NCAM1: variants seen among roughly 807,000 people sequenced by gnomAD.
NCAM1 encodes the protein antigen recognized by monoclonal antibody 5.1H11.
In NCAM1, 14 loss-of-function variants were observed where a neutral mutation model predicts 109.8. The ratio of observed to expected loss-of-function variants is 0.13; its 90% CI spans 0.08 to 0.20. NCAM1 has a LOEUF of 0.20. Ranked by LOEUF, NCAM1 falls within the 10% of genes least tolerant of loss-of-function variation. The pLI is 1.00. For missense variants in NCAM1, 774 were observed against 1,109.9 expected (o/e 0.70, Z 4.30); for synonymous variants, 418 against 442.9 (o/e 0.94, Z 0.70).
At chr11:113,067,494 T>C (rs1938023540) in intron 1 of NCAM1, among the ~76,000 whole-genome samples, 1 of 152,244 alleles carries the variant, frequency 6.6e-6, no homozygotes. Context: ...GCTTTGTGAT[T>C]CATGGGCTCA....
intron 1 of NCAM1, among the ~76,000 whole-genome samples, chr11:113,156,771 A>G (rs574336687): frequency 6.6e-6 from 1 of 152,272 alleles, no homozygotes; most frequent in African/African-American, 2.4e-5. Flanking sequence ...TGTGTACCCT[A>G]TTCCTCTGAG....
chr11:113,245,515 A>G (rs1945474740), intron 14 of NCAM1, among the ~76,000 whole-genome samples: 1 of 152,202 alleles, frequency 6.6e-6, no homozygotes, highest in Admixed American at 6.5e-5. Context: ...GGCCAAAGGT[A>G]CAGTTTCTGC....
chr11:113,165,120 G>A (rs1942744691), intron 1 of NCAM1, among the ~76,000 whole-genome samples: 1 of 152,182 alleles, frequency 6.6e-6, no homozygotes, highest in Admixed American at 6.5e-5. Context: ...AAACGTGTCT[G>A]TGGGGAGAAC....
At chr11:113,143,143 G>T (rs1275905406) in intron 1 of NCAM1, among the ~76,000 whole-genome samples, 2 of 152,074 alleles carry the variant, frequency 1.3e-5, no homozygotes, top group African/African-American at 4.8e-5. Flanking sequence ...CTAGTATCGT[G>T]TAATACCCAG....
At chr11:113,161,289 C>G (rs1555104348) in intron 1 of NCAM1, among the ~76,000 whole-genome samples, 14 of 152,112 alleles carry the variant, frequency 9.2e-5, no homozygotes. Flanking sequence ...TTACTTCTTT[C>G]TTCAGAACGT....
At chr11:113,272,295 CTG>C (rs2137791151) in intron 19 of NCAM1, among the ~76,000 whole-genome samples, 1 of 152,172 alleles carries the variant, frequency 6.6e-6, no homozygotes, top group Admixed American at 6.5e-5. Flanking sequence ...TGCCCCTCCT[CTG>C]TTCAGAAACC....
chr11:113,024,604 C>T (rs1952484450), intron 1 of NCAM1, among the ~76,000 whole-genome samples: 1 of 151,862 alleles, frequency 6.6e-6, no homozygotes, highest in African/African-American at 2.4e-5. Flanking sequence ...GCAAAAGTAA[C>T]ATAAGAATAT....
chr11:113,227,507 G>T (rs1373731252), intron 9 of NCAM1, among the ~76,000 whole-genome samples: 1 of 152,070 alleles, frequency 6.6e-6, no homozygotes, highest in African/African-American at 2.4e-5. Flanking sequence ...AGAGGTACAA[G>T]GAGGAGCTGG....
chr11:112,968,348 C>G (rs1355045695), intron 1 of NCAM1, among the ~76,000 whole-genome samples: 1 of 151,988 alleles, frequency 6.6e-6, no homozygotes, highest in Non-Finnish European at 1.5e-5. Flanking sequence ...ATGTAAGTGC[C>G]CGATTGGCAG....
chr11:113,103,947 A>T (rs1251908146), intron 1 of NCAM1, among the ~76,000 whole-genome samples: 2 of 151,802 alleles, frequency 1.3e-5, no homozygotes, highest in Admixed American at 1.3e-4. Context: ...TATTTTTTCC[A>T]ATAATTTAAT....
At chr11:112,981,992 T>G (rs1172655272) in intron 1 of NCAM1, among the ~76,000 whole-genome samples, 5 of 151,952 alleles carry the variant, frequency 3.3e-5, no homozygotes, top group Non-Finnish European at 5.9e-5. Context: ...ACAGACAGCT[T>G]ATTTTATGAT....
At chr11:112,964,470 A>G (rs1159454325) in intron 1 of NCAM1, among the ~76,000 whole-genome samples, 5 of 152,152 alleles carry the variant, frequency 3.3e-5, no homozygotes, top group Admixed American at 2.6e-4. Flanking sequence ...TGCCAGTTAA[A>G]CTTGCAAGAG....
chr11:112,999,871 A>T (rs566329419), intron 1 of NCAM1, among the ~76,000 whole-genome samples: 2 of 152,346 alleles, frequency 1.3e-5, no homozygotes, highest in South Asian at 4.1e-4. Flanking sequence ...GCTCACTGTG[A>T]GAAGTAAAGT....
intron 1 of NCAM1, among the ~76,000 whole-genome samples, chr11:113,052,339 G>A (rs2135413009): frequency 6.6e-6 from 1 of 152,294 alleles, no homozygotes; most frequent in East Asian, 1.9e-4. Flanking sequence ...GAACCCTTGA[G>A]CTGTGAGAAG....
intron 1 of NCAM1, among the ~76,000 whole-genome samples, chr11:113,019,320 T>A (rs1555075839): frequency 6.6e-6 from 1 of 152,128 alleles, no homozygotes; most frequent in Admixed American, 6.5e-5. Context: ...GATGATAAAC[T>A]CTCTGCAGGC....
chr11:112,995,142 G>C (rs1291531169), intron 1 of NCAM1, among the ~76,000 whole-genome samples: 2 of 151,928 alleles, frequency 1.3e-5, no homozygotes, highest in African/African-American at 4.8e-5. Context: ...CAGTAGTTAT[G>C]AAAGTTGAAT....
chr11:112,976,891 G>T (rs1951022672), intron 1 of NCAM1, among the ~76,000 whole-genome samples: 1 of 151,784 alleles, frequency 6.6e-6, no homozygotes, highest in Non-Finnish European at 1.5e-5. Context: ...GGTGTTTAAT[G>T]CATTGATTTT....
intron 1 of NCAM1, among the ~76,000 whole-genome samples, chr11:113,166,773 A>AC (rs1565474827): frequency 7.9e-5 from 12 of 151,208 alleles, no homozygotes; most frequent in Admixed American, 1.3e-4. Context: ...CACACACACA[A>AC]AAAAAAACAC....
At chr11:113,066,936 G>A (rs1937989348) in intron 1 of NCAM1, among the ~76,000 whole-genome samples, 1 of 143,212 alleles carries the variant, frequency 7.0e-6, no homozygotes, top group East Asian at 2.0e-4. Context: ...CCCAGGAGGC[G>A]AAGCTTGCAG....
Sources: allele counts gnomAD v4.1 joint callset (sites outside exome capture counted in the v4.1 genomes callset), GRCh38; gene constraint gnomAD v4.1.1; transcripts MANE v1.5; gene names NCBI Gene and HGNC (gene_info 2026-07-23, HGNC 2026-07-21).